The following MYT1L variants were observed in gnomAD, a reference collection of about 807,000 sequenced individuals.
The protein encoded by MYT1L is myelin transcription factor 1 like.
Under a neutral mutation model 126.7 loss-of-function variants are expected in MYT1L, and 12 were observed. That is an observed-to-expected ratio of 0.09 (90% CI 0.06 to 0.15). MYT1L has a LOEUF of 0.15. Among genes scored for constraint, MYT1L ranks in the 10% least tolerant of loss-of-function variants. MYT1L has a pLI of 1.00. For synonymous variants in MYT1L, 541 were observed against 604.2 expected (o/e 0.90, Z 1.53); for missense variants, 979 against 1,585.2 (o/e 0.62, Z 6.49).
intron 22 of MYT1L, among the ~76,000 whole-genome samples, chr2:1,802,176 T>C (rs986402211): frequency 6.6e-6 from 1 of 152,200 alleles, no homozygotes; most frequent in African/African-American, 2.4e-5. Flanking sequence ...CTCTCTCGAC[T>C]CGCTGTCTGC....
chr2:2,222,507 AT>A (rs1480188817), intron 2 of MYT1L, among the ~76,000 whole-genome samples: 6 of 149,308 alleles, frequency 4.0e-5, no homozygotes, highest in South Asian at 2.2e-4. Flanking sequence ...AAAAAAAAAA[AT>A]TTTTTTTTGG....
In MYT1L at chr2:1,887,550, C is replaced by A. The variant is rs569044091; in HGVS notation, c.2580G>T (p.Val860=). Residue 860 remains valine, a synonymous_variant, in exon 17 of 25, where the codon GTG becomes GTT. Coordinates refer to ENST00000647738, the MANE Select transcript of MYT1L (RefSeq NM_001303052.2). The surrounding 1 kb of genome is among the most constrained non-coding windows in gnomAD (Gnocchi z 4.8). ...ACTTGGGTTTGGGACTTGGGATGGTCACCTCCCCGGGATACCGTCTTTCTT... is the reference window on the plus strand; with the variant it reads ...ACTTGGGTTTGGGACTTGGGATGGTAACCTCCCCGGGATACCGTCTTTCTT... ...ALEERRYPGE[V]TIPSPKPKYP... is the part of the protein sequence containing the mutation. The A allele has an allele frequency of 6.2e-7, 1 of 1,613,938 alleles. No homozygotes were observed. The highest frequency in any genetic ancestry group is 8.5e-7 in the Non-Finnish European group (1 of 1,179,866).
chr2:2,174,428 T>C (rs1244046168), intron 2 of MYT1L, among the ~76,000 whole-genome samples: 4 of 152,304 alleles, frequency 2.6e-5, no homozygotes, highest in Non-Finnish European at 5.9e-5. Flanking sequence ...CTTGAAATCA[T>C]CTACAAAGAT....
intron 8 of MYT1L, among the ~76,000 whole-genome samples, chr2:1,954,233 C>T (rs928895555): frequency 1.3e-5 from 2 of 152,174 alleles, no homozygotes; most frequent in African/African-American, 2.4e-5. Context: ...CTGAAGTCAC[C>T]GTGAGTCAGA....
chr2:2,074,595 G>A (rs1294598856), intron 3 of MYT1L, among the ~76,000 whole-genome samples: 5 of 152,164 alleles, frequency 3.3e-5, no homozygotes, highest in Non-Finnish European at 7.4e-5. Flanking sequence ...ACGGGATATG[G>A]TTAAAAGCAA....
intron 3 of MYT1L, among the ~76,000 whole-genome samples, chr2:2,143,207 G>A (rs527735343): frequency 2.0e-5 from 3 of 151,032 alleles, no homozygotes; most frequent in South Asian, 2.1e-4. Context: ...GGAGAATGGC[G>A]TGAACTTGGG....
At chr2:2,086,405 A>C (rs1446542719) in intron 3 of MYT1L, among the ~76,000 whole-genome samples, 1 of 152,234 alleles carries the variant, frequency 6.6e-6, no homozygotes, top group Non-Finnish European at 1.5e-5. Context: ...TGTACATAGT[A>C]GTTATGGAAG....
intron 21 of MYT1L, among the ~76,000 whole-genome samples, chr2:1,814,490 C>T (rs1055608587): frequency 1.3e-5 from 2 of 152,156 alleles, no homozygotes; most frequent in African/African-American, 2.4e-5. Context: ...ATGTGTATCC[C>T]GGTGTCCAGG....
chr2:2,304,458 T>A lies in MYT1L; in HGVS notation c.-520-19955A>T, dbSNP rs572610724. Among the ~76,000 whole-genome samples the A allele has an allele frequency of 2.6e-4, 40 of 152,322 alleles. No homozygotes were observed. In the South Asian group the frequency reaches 3.5e-3, roughly 13 times the overall value. The stretch of plus-strand genomic sequence containing the variant: ...CGATGACTTAAACCTCTCTCTATAG[T>A]CCACACCAAGTGTCTTGTCTGTGCT... On this transcript the variant is annotated intron_variant, in intron 1 of 24. Coordinates refer to ENST00000647738, the MANE Select transcript of MYT1L (RefSeq NM_001303052.2).
chr2:2,115,100 T>A (rs543985976), intron 3 of MYT1L, among the ~76,000 whole-genome samples: 1 of 152,290 alleles, frequency 6.6e-6, no homozygotes, highest in Admixed American at 6.5e-5. Context: ...CCACAGTGAG[T>A]CCCTCACCAC....
intron 18 of MYT1L, among the ~76,000 whole-genome samples, chr2:1,873,756 A>C (rs952484106): frequency 3.3e-5 from 5 of 152,166 alleles, no homozygotes; most frequent in African/African-American, 1.2e-4. Flanking sequence ...ATTTAACATA[A>C]AACAAACAAA....
At chr2:2,095,003 G>T (rs540554416) in intron 3 of MYT1L, among the ~76,000 whole-genome samples, 1 of 152,202 alleles carries the variant, frequency 6.6e-6, no homozygotes, top group South Asian at 2.1e-4. Context: ...CAAGCGAGCC[G>T]TGTCTCCAAG....
intron 2 of MYT1L, among the ~76,000 whole-genome samples, chr2:2,198,752 G>C (rs919484700): frequency 1.3e-5 from 2 of 152,140 alleles, no homozygotes; most frequent in Non-Finnish European, 2.9e-5. Context: ...CAGCTACTCA[G>C]GAGGCTGAGG....
At chr2:1,915,662 G>T (rs570035109) in intron 11 of MYT1L, among the ~76,000 whole-genome samples, 1 of 152,202 alleles carries the variant, frequency 6.6e-6, no homozygotes, top group Non-Finnish European at 1.5e-5. Flanking sequence ...GTCACATCGT[G>T]TGTTCAGACA....
intron 1 of MYT1L, among the ~76,000 whole-genome samples, chr2:2,298,996 G>T (rs182997181): frequency 1.3e-5 from 2 of 152,216 alleles, no homozygotes; most frequent in East Asian, 3.9e-4. Flanking sequence ...GGGACTACAG[G>T]CGTGCACCAC....
At chr2:1,895,920 A>C (rs896355627) in intron 14 of MYT1L, among the ~76,000 whole-genome samples, 1 of 152,242 alleles carries the variant, frequency 6.6e-6, no homozygotes, top group Non-Finnish European at 1.5e-5. Flanking sequence ...GAATAGGAGA[A>C]GATATTCACA....
intron 3 of MYT1L, among the ~76,000 whole-genome samples, chr2:2,167,044 GTCTTTTAT>G (rs2089256112): frequency 6.6e-6 from 1 of 152,118 alleles, no homozygotes; most frequent in Non-Finnish European, 1.5e-5. Flanking sequence ...TTCCGCCTCC[GTCTTTTAT>G]GGCGAGGCAA....
chr2:1,896,036 C>T (rs900494901), intron 14 of MYT1L, among the ~76,000 whole-genome samples: 18 of 152,152 alleles, frequency 1.2e-4, no homozygotes, highest in Non-Finnish European at 2.1e-4. Flanking sequence ...AGAACATGAA[C>T]AGACACTTCT....
chr2:2,161,237 C>G (rs946114890), intron 3 of MYT1L, among the ~76,000 whole-genome samples: 3 of 152,054 alleles, frequency 2.0e-5, no homozygotes, highest in South Asian at 2.1e-4. Context: ...AAAACAAAAA[C>G]CAAACTGTAT....
Sources: allele counts gnomAD v4.1 joint callset (sites outside exome capture counted in the v4.1 genomes callset), GRCh38; gene constraint gnomAD v4.1.1; non-coding constraint Gnocchi (gnomAD v3.1); transcripts MANE v1.5; gene names NCBI Gene and HGNC (gene_info 2026-07-23, HGNC 2026-07-21).